UBTD2: variants seen among roughly 807,000 people sequenced by gnomAD.
UBTD2 encodes the protein ubiquitin domain-containing protein 2.
A neutral mutation model predicts 19.8 loss-of-function variants in UBTD2; 9 were observed. The ratio of observed to expected loss-of-function variants is 0.46; its 90% CI spans 0.27 to 0.79. The LOEUF is 0.79. UBTD2 is among the 30% of genes least tolerant of loss of function. The probability of loss-of-function intolerance (pLI) is 0.14; values close to 1 mark genes in which losing one functional copy is unlikely to be tolerated. For missense variants in UBTD2, 250 were observed against 300.4 expected (o/e 0.83, Z 1.24); for synonymous variants, 98 against 103.9 (o/e 0.94, Z 0.35).
At chr5:172,266,182 C>T (rs1044330916) in intron 1 of UBTD2, among the ~76,000 whole-genome samples, 16 of 152,066 alleles carry the variant, frequency 1.1e-4, no homozygotes, top group African/African-American at 4.8e-5. Flanking sequence ...CCACTCGCCT[C>T]GGCCTCCGAA....
intron 2 of UBTD2, among the ~76,000 whole-genome samples, chr5:172,213,839 T>G (rs1177912451): frequency 1.3e-5 from 2 of 151,996 alleles, no homozygotes; most frequent in East Asian, 3.9e-4. Context: ...TAGGCTGGAG[T>G]GCAATGGCGC....
At chr5:172,255,748 T>A (rs1755131251) in intron 1 of UBTD2, among the ~76,000 whole-genome samples, 1 of 152,080 alleles carries the variant, frequency 6.6e-6, no homozygotes, top group South Asian at 2.1e-4. Context: ...AAGAAGAGGC[T>A]GGGACCCAGG....
chr5:172,224,146 G>A (rs917745697), intron 2 of UBTD2, among the ~76,000 whole-genome samples: 7 of 152,068 alleles, frequency 4.6e-5, no homozygotes, highest in African/African-American at 1.7e-4. Flanking sequence ...TGGTTTGGCT[G>A]TTCCCACCCA....
intron 1 of UBTD2, among the ~76,000 whole-genome samples, chr5:172,281,456 G>A (rs1244506332): frequency 6.6e-6 from 1 of 152,070 alleles, no homozygotes; most frequent in African/African-American, 2.4e-5. Flanking sequence ...CTGTGATCTG[G>A]CACTGCACTC....
intron 1 of UBTD2, among the ~76,000 whole-genome samples, chr5:172,256,884 C>T (rs1392674888): frequency 6.6e-6 from 1 of 152,178 alleles, no homozygotes; most frequent in Admixed American, 6.5e-5. Context: ...CACCACTGCA[C>T]TCCAGTCTGG....
intron 1 of UBTD2, among the ~76,000 whole-genome samples, chr5:172,250,733 T>A (rs1273414633): frequency 6.6e-6 from 1 of 151,840 alleles, no homozygotes; most frequent in Non-Finnish European, 1.5e-5. Context: ...GATAACATCC[T>A]TCCAGCCTGG....
At position 172,231,144 on chromosome 5, in the gene UBTD2, C is replaced by G. The variant is rs149042577; in HGVS notation, c.307+2978G>C. 2.4e-3 allele frequency among the ~76,000 whole-genome samples: 365 copies of G among 152,308 alleles called. 3 individuals carry two copies. Among genetic ancestry groups the G allele is most frequent in the African/African-American group, 8.3e-3 (347 of 41,568 alleles). ...GATGGAAAGAATTTCGGCAATACCA[C>G]TAAGCCAGTCTAGGTAAAAGCATAC... On this transcript the variant is annotated intron_variant, in intron 2 of 2. Coordinates refer to ENST00000393792, the MANE Select transcript of UBTD2 (RefSeq NM_152277.3).
chr5:172,253,265 TA>T (rs1330937893), intron 1 of UBTD2, among the ~76,000 whole-genome samples: 1 of 152,156 alleles, frequency 6.6e-6, no homozygotes, highest in East Asian at 1.9e-4. Flanking sequence ...TTAGCTTACT[TA>T]AGTGCAATGT....
intron 1 of UBTD2, among the ~76,000 whole-genome samples, chr5:172,245,298 C>G (rs952319690): frequency 1.3e-5 from 2 of 152,140 alleles, no homozygotes; most frequent in Non-Finnish European, 2.9e-5. Flanking sequence ...AAAAGATCTC[C>G]TTGGTAATGG....
chr5:172,250,958 AAGGAAAGAAAGT>A (rs1754993748), intron 1 of UBTD2, among the ~76,000 whole-genome samples: 1 of 142,770 alleles, frequency 7.0e-6, no homozygotes, highest in African/African-American at 2.6e-5. Flanking sequence ...AAAAAAAAAA[AAGGAAAGAAAGT>A]AAAAGGAAGA....
intron 1 of UBTD2, among the ~76,000 whole-genome samples, chr5:172,269,885 G>A (rs1259189239): frequency 6.6e-6 from 1 of 151,622 alleles, no homozygotes; most frequent in Non-Finnish European, 1.5e-5. Flanking sequence ...AGACCGGCCT[G>A]GCCAACATGG....
rs1218074937 is a variant in UBTD2 at position 172,212,098 on chromosome 5, G to C, written c.437C>G (p.Pro146Arg). 3 of 1,614,208 alleles carry C rather than the reference G, an allele frequency of 1.9e-6. No individual in the cohort carries two copies. Among genetic ancestry groups the C allele is most frequent in the South Asian group, 2.2e-5 (2 of 91,080 alleles). ...AAGCTGACATTCATATCCAGAATTGGGTGGTGGCTCAGGAATATCCAGAGT... is the reference window on the plus strand; with the variant it reads ...AAGCTGACATTCATATCCAGAATTGCGTGGTGGCTCAGGAATATCCAGAGT... ...IETLDIPEPP[P>R]NSGYECQLRL... Residue 146 changes from proline (P) to arginine (R), a missense_variant, in exon 3 of 3, where the codon CCC becomes CGC. Physicochemically the swap from Pro to Arg is moderately radical, Grantham distance 103. Transcript: ENST00000393792.
chr5:172,264,182 C>T (rs1370064918), intron 1 of UBTD2, among the ~76,000 whole-genome samples: 2 of 152,052 alleles, frequency 1.3e-5, no homozygotes, highest in African/African-American at 2.4e-5. Context: ...TTCTAAAAAT[C>T]AGTACCAGCA....
upstream of UBTD2, chr5:172,283,924 T>G (rs1755787927): frequency 6.7e-6 from 1 of 149,058 alleles, no homozygotes; most frequent in Non-Finnish European, 1.5e-5. This position sits in a 1 kb window ranked among gnomAD's most constrained non-coding sequence, Gnocchi z 4.3. Flanking sequence ...CGCCTTCGGC[T>G]CAGCCCCGCC....
chr5:172,239,562 A>G (rs1772081725), intron 1 of UBTD2, among the ~76,000 whole-genome samples: 1 of 151,766 alleles, frequency 6.6e-6, no homozygotes, highest in Admixed American at 6.6e-5. Flanking sequence ...CCGGGATTAC[A>G]GGCGCCTGCC....
At chr5:172,257,335 G>GT (rs1234509475) in intron 1 of UBTD2, among the ~76,000 whole-genome samples, 2 of 152,180 alleles carry the variant, frequency 1.3e-5, no homozygotes, top group Non-Finnish European at 2.9e-5. Context: ...TTATAGCTGT[G>GT]TAAGTATTCC....
chr5:172,254,953 G>T, intron 1 of UBTD2: 1 of 539,716 alleles, frequency 1.9e-6, no homozygotes, highest in Non-Finnish European at 3.6e-6. Context: ...GAGGCTCCTG[G>T]AGGTGACTCA....
At chr5:172,262,367 T>C (rs1156337754) in intron 1 of UBTD2, among the ~76,000 whole-genome samples, 3 of 148,452 alleles carry the variant, frequency 2.0e-5, no homozygotes, top group Non-Finnish European at 4.4e-5. Flanking sequence ...GAAGAATCAC[T>C]TGAACCTGGG....
intron 1 of UBTD2, among the ~76,000 whole-genome samples, chr5:172,250,600 C>T (rs997233679): frequency 2.6e-5 from 4 of 152,098 alleles, no homozygotes; most frequent in African/African-American, 9.7e-5. Flanking sequence ...AATGCATGAT[C>T]CTGGATAACT....
Sources: gnomAD v4.1 joint callset for allele counts (sites outside exome capture counted in the v4.1 genomes callset) on GRCh38, gnomAD v4.1.1 for gene constraint, Gnocchi (gnomAD v3.1) non-coding constraint, MANE v1.5 for transcripts, NCBI Gene and HGNC (gene_info 2026-07-23, HGNC 2026-07-21) for gene names.